Variants in ZNF236 observed in about 807,000 individuals in gnomAD.
ZNF236 encodes the protein zinc finger protein 236, also known as regulated by glucose.
In ZNF236, 50 loss-of-function variants were observed where a neutral mutation model predicts 191.2. The observed-to-expected ratio is 0.26, with a 90% confidence interval of 0.21 to 0.33. The LOEUF is 0.33. ZNF236 is among the 10% of genes least tolerant of loss of function. The pLI is 1.00. For missense variants in ZNF236, 1,754 were observed against 2,374.5 expected (o/e 0.74, Z 5.43); for synonymous variants, 907 against 928.8 (o/e 0.98, Z 0.43).
At chr18:76,877,345 C>T (rs1343164989) in intron 6 of ZNF236, among the ~76,000 whole-genome samples, 1 of 151,972 alleles carries the variant, frequency 6.6e-6, no homozygotes, top group Non-Finnish European at 1.5e-5. Context: ...CCCATCTCTA[C>T]TAAAATACAA....
At chr18:76,870,599 A>T (rs1363431782) in intron 4 of ZNF236, among the ~76,000 whole-genome samples, 1 of 152,190 alleles carries the variant, frequency 6.6e-6, no homozygotes, top group African/African-American at 2.4e-5. Context: ...GATAGTGGTG[A>T]GTGTCAAGAA....
chr18:76,881,392 A>G lies in ZNF236; in HGVS notation c.1297A>G (p.Ser433Gly). ...ACACGCTCAAAACCCAGATGTTTCCAGCGTTTCAAATGAGCAGACGGACCC... is the reference window on the plus strand; with the variant it reads ...ACACGCTCAAAACCCAGATGTTTCCGGCGTTTCAAATGAGCAGACGGACCC... Reference protein sequence around the residue: ...APHAQNPDVSSVSNEQTDPTD... With the variant: ...APHAQNPDVSGVSNEQTDPTD... The change falls in exon 9 of 31, where the codon AGC becomes GGC. Residue 433 changes from serine to glycine, a missense_variant. This residue lies in a region of ZNF236 where 126 missense variants were observed against 110.9 expected (regional missense o/e 1.14). Transcript: ENST00000320610. 1 of 1,614,160 alleles carries G rather than the reference A, an allele frequency of 6.2e-7. No individual in the cohort carries two copies. Among genetic ancestry groups the G allele is most frequent in the Non-Finnish European group, 8.5e-7 (1 of 1,180,034 alleles).
rs1054681789 is a variant in ZNF236 at position 76,947,522 on chromosome 18, G to T, written c.4784G>T (p.Gly1595Val). ...DTVTLNITSQ[G>V]QQFPALLTDP... is the part of the protein sequence containing the mutation. ...GAAATAGTACTAATCTTTTGCCAGG[G>T]TCAGCAGTTCCCAGCGCTCCTCACG... Residue 1595 changes from glycine to valine, a missense_variant and splice_region_variant, in exon 27 of 31, where the codon GGT (glycine) becomes GTT (valine). Physicochemically the swap from Gly to Val is moderately radical, Grantham distance 109. This residue lies in a region of ZNF236 where 606 missense variants were observed against 761.5 expected (regional missense o/e 0.80). Coordinates refer to ENST00000320610, the MANE Select transcript of ZNF236 (RefSeq NM_001306089.2). The T allele has an allele frequency of 1.9e-6, 3 of 1,612,446 alleles. No homozygotes were observed. Among genetic ancestry groups the T allele is most frequent in the Non-Finnish European group, 8.5e-7 (1 of 1,179,454 alleles).
In ZNF236 at chr18:76,927,303, G is replaced by A. The variant is rs370301660; in HGVS notation, c.4200G>A (p.Thr1400=). Residue 1400 remains threonine (T), a synonymous_variant, in exon 24 of 31, where the codon ACG becomes ACA. Transcript: ENST00000320610. This position sits in a 1 kb window ranked among gnomAD's most constrained non-coding sequence, Gnocchi z 5.4. Reference sequence around the variant, plus strand: ...TTGATCCAAGCATTCTGCAGCAGACGCTACAGCAGGGCAACCTATTGGCTC... The same window carrying A: ...TTGATCCAAGCATTCTGCAGCAGACACTACAGCAGGGCAACCTATTGGCTC... The part of the protein sequence containing the change: ...LQIDPSILQQ[T]LQQGNLLAQQ... 71 of 1,614,024 alleles carry A rather than the reference G, an allele frequency of 4.4e-5. No individual in the cohort carries two copies. Among genetic ancestry groups the A allele is most frequent in the Non-Finnish European group, 5.4e-5 (64 of 1,180,036 alleles).
rs191837364 is a variant in ZNF236 at position 76,870,201 on chromosome 18, C to T, written c.542+1338C>T. 1.3e-3 allele frequency among the ~76,000 whole-genome samples: 201 copies of T among 152,262 alleles called. 5 individuals are homozygous for T. In the South Asian group the frequency reaches 0.03, roughly 23 times the overall value. On this transcript the variant is annotated intron_variant, in intron 4 of 30. Coordinates refer to ENST00000320610, the MANE Select transcript of ZNF236 (RefSeq NM_001306089.2). ...GACATCTCTGTATGATCAGCTGTCT[C>T]CTGTCTTTTTCATTTTGCCTCTTGT...
chr18:76,824,226 A>C (rs1192497000), intron 1 of ZNF236: 2 of 748,622 alleles, frequency 2.7e-6, no homozygotes, highest in Non-Finnish European at 5.0e-6. Flanking sequence ...GGTAGGAATC[A>C]ATGTAAACTT....
chr18:76,943,864 A>G (rs1459847910), intron 26 of ZNF236, among the ~76,000 whole-genome samples: 2 of 152,196 alleles, frequency 1.3e-5, no homozygotes, highest in Admixed American at 6.5e-5. Flanking sequence ...ATTGAGGCAC[A>G]ATGTTTTGTT....
chr18:76,835,820 A>G (rs973649020), intron 1 of ZNF236, among the ~76,000 whole-genome samples: 23 of 152,148 alleles, frequency 1.5e-4, no homozygotes, highest in Non-Finnish European at 2.5e-4. Context: ...TCATCATTTT[A>G]TATTCCCCTT....
rs942904084 is a variant in ZNF236, at chr18:76,875,063, G to T, written c.668-429G>T. Among the ~76,000 whole-genome samples the T allele has an allele frequency of 6.6e-6, 1 of 152,220 alleles. No homozygotes were observed. Among genetic ancestry groups the T allele is most frequent in the African/African-American group, 2.4e-5 (1 of 41,458 alleles). ...GTGGAAGCAGTGAGTCAAGCTGGGGGTGGTTTCAGGAGCTTTGAGTGATAG... is the reference window on the plus strand; with the variant it reads ...GTGGAAGCAGTGAGTCAAGCTGGGGTTGGTTTCAGGAGCTTTGAGTGATAG... On this transcript the variant is annotated intron_variant, in intron 5 of 30. Coordinates refer to ENST00000320610, the MANE Select transcript of ZNF236 (RefSeq NM_001306089.2). The surrounding 1 kb of genome is among the most constrained non-coding windows in gnomAD (Gnocchi z 4.3).
chr18:76,894,123 T>A (rs1434253119), intron 9 of ZNF236, among the ~76,000 whole-genome samples: 2 of 152,250 alleles, frequency 1.3e-5, no homozygotes, highest in African/African-American at 4.8e-5. Context: ...TGAATAAATC[T>A]AATCAAAAAT....
chr18:76,921,175 A>T (rs1297354419), intron 20 of ZNF236, among the ~76,000 whole-genome samples: 1 of 152,134 alleles, frequency 6.6e-6, no homozygotes, highest in African/African-American at 2.4e-5. Flanking sequence ...ACACACCTTG[A>T]CTGCTGGCCT....
intron 14 of ZNF236, among the ~76,000 whole-genome samples, chr18:76,909,728 G>A (rs9946389): frequency 0.026 from 3,985 of 152,248 alleles, 155 homozygotes; most frequent in African/African-American, 0.088. Context: ...AATGTATTCC[G>A]TCTTTGGGGA....
At chr18:76,868,984 T>A (rs1166823041) in intron 4 of ZNF236, 121 bp downstream of exon 4, 2 of 933,542 alleles carry the variant, frequency 2.1e-6, no homozygotes, top group East Asian at 5.3e-5. Context: ...ACCCCACAGA[T>A]AATTTGGTGT....
Position 76,919,747 on chromosome 18 carries a change from T to G in ZNF236, c.3275-29T>G. On this transcript the variant is annotated intron_variant, in intron 19 of 30. Coordinates refer to ENST00000320610, the MANE Select transcript of ZNF236 (RefSeq NM_001306089.2). The surrounding 1 kb of genome is among the most constrained non-coding windows in gnomAD (Gnocchi z 5.3). ...AAACCTAGGTTTTCTTCATTACGAT[T>G]TTGATCCCTTTTCCTTGATTTTGTG... The G allele has an allele frequency of 6.2e-7, 1 of 1,604,018 alleles. No individual in the cohort carries two copies. Among genetic ancestry groups the G allele is most frequent in the Non-Finnish European group, 8.5e-7 (1 of 1,171,830 alleles).
In ZNF236 at chr18:76,971,889, A is replaced by AT. The variant is rs1428919731; in HGVS notation, c.*3557dup. ...AGGCTATCTCATGCCTGCTTCTTAC[A>AT]TTTTTTTCTGAAGCTTATTTCAGAA... On this transcript the variant is annotated 3_prime_UTR_variant, in exon 31 of 31. Coordinates refer to ENST00000320610, the MANE Select transcript of ZNF236 (RefSeq NM_001306089.2). 6.6e-6 allele frequency among the ~76,000 whole-genome samples: 1 copy of AT among 152,132 alleles called. No homozygotes were observed. The highest frequency in any genetic ancestry group is 6.6e-5 in the Admixed American group (1 of 15,266).
chr18:76,851,147 C>CTCTA, intron 2 of ZNF236, among the ~76,000 whole-genome samples: 1 of 138,056 alleles, frequency 7.2e-6, no homozygotes. Context: ...ATGTTTCTTT[C>CTCTA]TCTATGTGTT....
In ZNF236 at chr18:76,968,424, T is replaced by C. The variant is rs1356453648; in HGVS notation, c.*85T>C. On this transcript the variant is annotated 3_prime_UTR_variant, in exon 31 of 31. Coordinates refer to ENST00000320610, the MANE Select transcript of ZNF236 (RefSeq NM_001306089.2). ...GCACTTGGAATCTCCGTTTTAAAGC[T>C]TCAAGTGTTAAAAATGCTACAATAG... is the stretch of plus-strand genomic sequence containing the variant. 10 of 1,531,982 alleles carry C rather than the reference T, an allele frequency of 6.5e-6. No homozygotes were observed. In the East Asian group the frequency reaches 2.4e-4, roughly 37 times the overall value. The allele number at this position is 1,531,982 out of a possible 1,614,324, so 94.9% of individuals were successfully genotyped here.
chr18:76,886,504 G>T, intron 9 of ZNF236: 1 of 192,708 alleles, frequency 5.2e-6, no homozygotes, highest in Non-Finnish European at 1.1e-5. Context: ...CCTGAGAAGG[G>T]GGCACCATGA....
At chr18:76,934,663 C>T (rs1388178851) in intron 25 of ZNF236, among the ~76,000 whole-genome samples, 1 of 152,152 alleles carries the variant, frequency 6.6e-6, no homozygotes, top group Non-Finnish European at 1.5e-5. Context: ...ATTTCCCATT[C>T]CCCGGTGTAT....
Sources: gnomAD v4.1 joint callset for allele counts (sites outside exome capture counted in the v4.1 genomes callset) on GRCh38, gnomAD v4.1.1 for gene constraint, gnomAD v4.1.1 regional missense constraint, Gnocchi (gnomAD v3.1) non-coding constraint, MANE v1.5 for transcripts, NCBI Gene and HGNC (gene_info 2026-07-23, HGNC 2026-07-21) for gene names.